The following LPAR6 variants were observed in gnomAD, a reference collection of about 807,000 sequenced individuals.
LPAR6 encodes lysophosphatidic acid receptor 6.
A neutral mutation model predicts 22.0 loss-of-function variants in LPAR6; 17 were observed. That is an observed-to-expected ratio of 0.77 (90% CI 0.53 to 1.16). LPAR6 has a LOEUF of 1.16. LPAR6 is among the 50% of genes most tolerant of loss of function. The pLI, the probability that LPAR6 is intolerant of heterozygous loss-of-function variation, is 0.00. For missense variants in LPAR6, 384 were observed against 406.9 expected (o/e 0.94, Z 0.48); for synonymous variants, 136 against 139.8 (o/e 0.97, Z 0.19).
At chr13:48,438,869 CT>C (rs1255156648) in intron 1 of LPAR6, among the ~76,000 whole-genome samples, 1 of 152,118 alleles carries the variant, frequency 6.6e-6, no homozygotes, top group African/African-American at 2.4e-5. Flanking sequence ...TCATACCAAA[CT>C]TTTTATATAG....
chr13:48,412,425 G>GTAAAGGCACGTCCAAT lies in LPAR6; in HGVS notation c.-18_-3dup. 2.5e-6 allele frequency: 4 copies of GTAAAGGCACGTCCAAT among 1,610,274 alleles called. No individual in the cohort carries two copies. In the South Asian group the frequency reaches 4.4e-5, roughly 18 times the overall value. ...GTGGGAGCTGTTAACGCTTACCATC[G>GTAAAGGCACGTCCAAT]TAAAGGCACGTCCAATTTTCAGTTT... On this transcript the variant is annotated 5_prime_UTR_variant, in exon 1 of 1. Coordinates refer to ENST00000620633, the MANE Select transcript of LPAR6 (RefSeq NM_001162498.3).
chr13:48,418,616 A>C (rs1948953962), intron 2 of LPAR6, among the ~76,000 whole-genome samples: 1 of 152,182 alleles, frequency 6.6e-6, no homozygotes, highest in Middle Eastern at 3.4e-3. Context: ...GTCAAGACCC[A>C]TCAGTGTGCT....
In LPAR6 at chr13:48,412,160, A is replaced by T. The variant is rs1318676400; in HGVS notation, c.264T>A (p.Leu88=). The change falls in exon 1 of 1, where the codon CTT becomes CTA. Residue 88 remains leucine, a synonymous_variant. Transcript: ENST00000620633. ...TTRNWPFGDL[L]CKISVMLFYT... Reference sequence around the variant, plus strand: ...AAAACAGCATCACAGAAATCTTACAAAGTAAATCTCCAAATGGCCAATTCC... The same window carrying T: ...AAAACAGCATCACAGAAATCTTACATAGTAAATCTCCAAATGGCCAATTCC... 6.2e-7 allele frequency: 1 copy of T among 1,614,006 alleles called. No homozygotes were observed. Among genetic ancestry groups the T allele is most frequent in the South Asian group, 1.1e-5 (1 of 91,078 alleles).
intron 1 of LPAR6, among the ~76,000 whole-genome samples, chr13:48,400,063 A>G (rs1948678753): frequency 6.6e-6 from 1 of 152,106 alleles, no homozygotes; most frequent in Non-Finnish European, 1.5e-5. Flanking sequence ...CTAACAACTC[A>G]GGAATGTCCT....
In LPAR6 at chr13:48,411,924, G is replaced by T; in HGVS notation, c.500C>A (p.Ala167Asp). 1 of 1,612,628 alleles carries T rather than the reference G, an allele frequency of 6.2e-7. No individual in the cohort carries two copies. The highest frequency in any genetic ancestry group is 1.1e-5 in the South Asian group (1 of 90,980). ...GGCTTCTGGAAAATTTTCAAAGCAG[G>T]CTTCTGAGGCATTGTTACCCTGAGA... ...THSQGNNASE[A>D]CFENFPEATW... Residue 167 changes from alanine (A) to aspartate (D), a missense_variant, in exon 1 of 1, where the codon GCC (alanine) becomes GAC (aspartate). Ala to Asp is a moderately radical substitution (Grantham distance 126, BLOSUM62 -2). Coordinates refer to ENST00000620633, the MANE Select transcript of LPAR6 (RefSeq NM_001162498.3).
At chr13:48,426,790 G>C (rs553520769) in intron 1 of LPAR6, 1 of 152,130 alleles carries the variant, frequency 6.6e-6, no homozygotes, top group Non-Finnish European at 1.5e-5. Context: ...GTTCGTTCTT[G>C]CATTGCTGTA....
At chr13:48,418,138 C>T (rs1948945270) in intron 2 of LPAR6, among the ~76,000 whole-genome samples, 1 of 152,074 alleles carries the variant, frequency 6.6e-6, no homozygotes, top group Non-Finnish European at 1.5e-5. Context: ...AGAGAAAGGT[C>T]GGGTTACCTA....
At chr13:48,433,452 G>T (rs1949150524) in intron 1 of LPAR6, among the ~76,000 whole-genome samples, 1 of 152,054 alleles carries the variant, frequency 6.6e-6, no homozygotes, top group Non-Finnish European at 1.5e-5. Context: ...ACTTAAAAGA[G>T]CTTTTTCAGG....
chr13:48,391,214 G>C (rs1362909569), intron 1 of LPAR6, among the ~76,000 whole-genome samples: 1 of 152,034 alleles, frequency 6.6e-6, no homozygotes, highest in Non-Finnish European at 1.5e-5. Context: ...TACAGTATAA[G>C]AATCTTAGAA....
In LPAR6 at chr13:48,411,871, C is replaced by T; in HGVS notation, c.553G>A (p.Val185Ile). The change falls in exon 1 of 1, where the codon GTA becomes ATA. Residue 185 changes from valine (V) to isoleucine (I), a missense_variant. Transcript: ENST00000620633. ...AATCCCACTATTTCGATGAAAATTA[C>T]AATCCTTGAGAGATATGTTTTCCAT... The part of the protein sequence containing the change: ...ATWKTYLSRI[V>I]IFIEIVGFFI... 6.2e-7 allele frequency: 1 copy of T among 1,613,760 alleles called. No homozygotes were observed.
chr13:48,393,979 C>T (rs930594021), intron 1 of LPAR6, among the ~76,000 whole-genome samples: 10 of 152,122 alleles, frequency 6.6e-5, no homozygotes, highest in African/African-American at 2.4e-4. Context: ...CAAATAGGAA[C>T]AGCTCTGGTC....
intron 1 of LPAR6, among the ~76,000 whole-genome samples, chr13:48,397,088 G>A (rs113966574): frequency 0.044 from 6,671 of 152,214 alleles, 498 homozygotes; most frequent in African/African-American, 0.15. Flanking sequence ...ACAGTGTGGC[G>A]ATTCCTCAAG....
At chr13:48,396,423 T>C (rs1444582908) in intron 1 of LPAR6, among the ~76,000 whole-genome samples, 1 of 152,172 alleles carries the variant, frequency 6.6e-6, no homozygotes, top group Non-Finnish European at 1.5e-5. Context: ...ATAAATGATA[T>C]TGGGAAAACT....
At chr13:48,406,068 C>T (rs1038683207), downstream of LPAR6, among the ~76,000 whole-genome samples, 1 of 151,122 alleles carries the variant, frequency 6.6e-6, no homozygotes, top group South Asian at 2.1e-4. Flanking sequence ...CAGTATTTTG[C>T]AATTTCAACT....
chr13:48,403,793 G>A (rs994384633), intron 1 of LPAR6, among the ~76,000 whole-genome samples: 1 of 152,074 alleles, frequency 6.6e-6, no homozygotes, highest in East Asian at 1.9e-4. Context: ...CACTTTGTGA[G>A]CAACATTTTA....
chr13:48,397,082 T>C (rs574543255), intron 1 of LPAR6, among the ~76,000 whole-genome samples: 1 of 152,340 alleles, frequency 6.6e-6, no homozygotes, highest in Non-Finnish European at 1.5e-5. Context: ...TGGAAGACAG[T>C]GTGGCGATTC....
chr13:48,401,176 C>T (rs1472611664), intron 1 of LPAR6: 1 of 152,304 alleles, frequency 6.6e-6, no homozygotes, highest in Non-Finnish European at 1.5e-5. Context: ...CTAGGACATA[C>T]TCTCTGTACC....
chr13:48,410,062 A>G (rs1024485787), downstream of LPAR6, among the ~76,000 whole-genome samples: 17 of 152,260 alleles, frequency 1.1e-4, no homozygotes, highest in East Asian at 3.3e-3. Context: ...TGTGTCCTTA[A>G]TTAATCATTT....
intron 1 of LPAR6, among the ~76,000 whole-genome samples, chr13:48,405,638 C>T (rs956218163): frequency 6.6e-6 from 1 of 152,088 alleles, no homozygotes; most frequent in African/African-American, 2.4e-5. Context: ...GCCTGCAAAC[C>T]GAAAATATTT....
Sources: allele counts gnomAD v4.1 joint callset (sites outside exome capture counted in the v4.1 genomes callset), GRCh38; gene constraint gnomAD v4.1.1; transcripts MANE v1.5; gene names NCBI Gene and HGNC (gene_info 2026-07-23, HGNC 2026-07-21).